The following USP34 variants were observed in gnomAD, a reference collection of about 807,000 sequenced individuals.
USP34 encodes ubiquitin specific peptidase 34.
Under a neutral mutation model 460.3 loss-of-function variants are expected in USP34, and 70 were observed. The ratio of observed to expected loss-of-function variants is 0.15; its 90% CI spans 0.13 to 0.19. The LOEUF (loss-of-function observed/expected upper bound fraction) is 0.19. Among genes scored for constraint, USP34 ranks in the 10% least tolerant of loss-of-function variants. The pLI is 1.00. For missense variants in USP34, 3,985 were observed against 4,236.2 expected (o/e 0.94, Z 1.65); for synonymous variants, 1,647 against 1,405.3 (o/e 1.17, Z -3.85).
intron 1 of USP34, among the ~76,000 whole-genome samples, chr2:61,434,251 G>A (rs1208593862): frequency 6.6e-6 from 1 of 152,132 alleles, no homozygotes; most frequent in Non-Finnish European, 1.5e-5. Context: ...CATTACCACA[G>A]GTCGTCCCTG....
At chr2:61,251,379 C>T (rs1688577686) in intron 48 of USP34, among the ~76,000 whole-genome samples, 1 of 152,062 alleles carries the variant, frequency 6.6e-6, no homozygotes. Context: ...AATATTGTGG[C>T]CTTATATTAC....
intron 1 of USP34, among the ~76,000 whole-genome samples, chr2:61,440,478 T>C (rs1436468222): frequency 6.6e-5 from 10 of 151,964 alleles, no homozygotes; most frequent in Admixed American, 5.9e-4. Context: ...TCTTCATGCC[T>C]TTTCCCCTCC....
intron 41 of USP34, among the ~76,000 whole-genome samples, chr2:61,273,137 A>G (rs1689265593): frequency 6.6e-6 from 1 of 152,218 alleles, no homozygotes; most frequent in Admixed American, 6.5e-5. Context: ...CAAAACTCCT[A>G]AGAATAAACT....
chr2:61,387,573 T>C (rs892481712), intron 5 of USP34, among the ~76,000 whole-genome samples: 4 of 146,208 alleles, frequency 2.7e-5, no homozygotes, highest in Admixed American at 6.9e-5. Context: ...TATACACACA[T>C]ATATAAAATA....
intron 43 of USP34, 142 bp downstream of exon 43, chr2:61,265,255 A>G: frequency 3.5e-6 from 3 of 850,502 alleles, no homozygotes; most frequent in Non-Finnish European, 3.6e-6. Flanking sequence ...TGTAAAATAC[A>G]CATTAGCTAG....
Position 61,188,725 on chromosome 2 carries a change from C to A in USP34, c.10034-16G>T. 6.2e-7 allele frequency: 1 copy of A among 1,603,964 alleles called. No homozygotes were observed. ...CCTTCATCATCTGTGAAAACACATG[C>A]CAAAAGGGAAACTTCTCTGAAAGTC... is the stretch of plus-strand genomic sequence containing the variant. On this transcript the variant is annotated splice_polypyrimidine_tract_variant and intron_variant, in intron 79 of 79. Coordinates refer to ENST00000398571, the MANE Select transcript of USP34 (RefSeq NM_014709.4).
At chr2:61,440,560 C>T (rs1694934779) in intron 1 of USP34, among the ~76,000 whole-genome samples, 1 of 150,718 alleles carries the variant, frequency 6.6e-6, no homozygotes, top group Non-Finnish European at 1.5e-5. Context: ...TCTTCTCGTC[C>T]AGGCTGGAAT....
intron 41 of USP34, among the ~76,000 whole-genome samples, chr2:61,276,640 A>G (rs1359733635): frequency 6.6e-6 from 1 of 152,182 alleles, no homozygotes; most frequent in Admixed American, 6.5e-5. Context: ...AGAAAAACCA[A>G]TTAATATATT....
chr2:61,337,798 C>T (rs756998162), intron 18 of USP34, among the ~76,000 whole-genome samples: 5 of 152,050 alleles, frequency 3.3e-5, no homozygotes, highest in Non-Finnish European at 4.4e-5. Context: ...CTTGACTCTG[C>T]CTTTGGGTGA....
intron 2 of USP34, among the ~76,000 whole-genome samples, chr2:61,418,348 G>A (rs1052092184): frequency 1.3e-5 from 2 of 152,144 alleles, no homozygotes; most frequent in Non-Finnish European, 2.9e-5. Context: ...TCAAAGTGCT[G>A]GGATTACATG....
Position 61,206,784 on chromosome 2 carries a change from T to C in USP34, c.9022A>G (p.Thr3008Ala), listed in dbSNP as rs778787305. 27 of 1,613,654 alleles carry C rather than the reference T, an allele frequency of 1.7e-5. No homozygotes were observed. In the African/African-American group the frequency reaches 2.5e-4, roughly 15 times the overall value. ...LSIFLSVLKS[T>A]RPYLQRKDVK... ...CCTTTTCTCTGAAGATAAGGGCGTG[T>C]AGACTTCAAAACCGAAAGAAATATT... Residue 3008 changes from threonine to alanine, a missense_variant, in exon 71 of 80, where the codon ACA becomes GCA. This residue lies in a region of USP34 where 275 missense variants were observed against 292.7 expected (regional missense o/e 0.94). Coordinates refer to ENST00000398571, the MANE Select transcript of USP34 (RefSeq NM_014709.4).
chr2:61,391,954 T>C (rs1693360923), intron 5 of USP34, among the ~76,000 whole-genome samples: 1 of 152,154 alleles, frequency 6.6e-6, no homozygotes, highest in African/African-American at 2.4e-5. Flanking sequence ...TATTACGGTG[T>C]TCAAAAAATA....
chr2:61,468,296 TG>T (rs1314075887), intron 1 of USP34, among the ~76,000 whole-genome samples: 1 of 152,218 alleles, frequency 6.6e-6, no homozygotes, highest in African/African-American at 2.4e-5. Flanking sequence ...GCAATTCTCC[TG>T]GTCAGCCTCC....
chr2:61,248,011 A>G lies in USP34; in HGVS notation c.6394+500T>C, dbSNP rs141496763. Among the ~76,000 whole-genome samples the G allele has an allele frequency of 5.5e-3, 837 of 152,098 alleles. 8 individuals are homozygous for G. The highest frequency in any genetic ancestry group is 0.019 in the African/African-American group (800 of 41,498). On this transcript the variant is annotated intron_variant, in intron 49 of 79. Coordinates refer to ENST00000398571, the MANE Select transcript of USP34 (RefSeq NM_014709.4). ...AGACCAACCTAGCCAACACGGCGAA[A>G]CCTTGTCTCTACTAAAAATACAAAA...
intron 1 of USP34, among the ~76,000 whole-genome samples, chr2:61,432,201 T>C (rs890198588): frequency 2.6e-5 from 4 of 151,084 alleles, no homozygotes; most frequent in African/African-American, 7.3e-5. Flanking sequence ...AAATGGAATG[T>C]AGTGACATTT....
chr2:61,427,703 T>C (rs1694552191), intron 1 of USP34, among the ~76,000 whole-genome samples: 1 of 152,164 alleles, frequency 6.6e-6, no homozygotes, highest in Admixed American at 6.5e-5. Flanking sequence ...TACTAAAGAA[T>C]GTATTAGTCT....
chr2:61,270,291 A>T (rs1028569996), intron 41 of USP34, among the ~76,000 whole-genome samples: 1 of 152,196 alleles, frequency 6.6e-6, no homozygotes, highest in East Asian at 1.9e-4. Context: ...TGAATCAAAA[A>T]GTAGGCCTTC....
chr2:61,458,207 T>C (rs1215336025), intron 1 of USP34, among the ~76,000 whole-genome samples: 1 of 152,120 alleles, frequency 6.6e-6, no homozygotes, highest in Non-Finnish European at 1.5e-5. Context: ...TACTTCAGAC[T>C]TGGAGTTCAG....
At chr2:61,395,865 A>C (rs1315365070) in intron 3 of USP34, among the ~76,000 whole-genome samples, 3 of 151,886 alleles carry the variant, frequency 2.0e-5, no homozygotes, top group Admixed American at 6.6e-5. Flanking sequence ...CAGGAGATCA[A>C]GATCAGCCTG....
Sources: allele counts gnomAD v4.1 joint callset (sites outside exome capture counted in the v4.1 genomes callset), GRCh38; gene constraint gnomAD v4.1.1; regional missense constraint gnomAD v4.1.1; transcripts MANE v1.5; gene names NCBI Gene and HGNC (gene_info 2026-07-23, HGNC 2026-07-21).